The following LUZP2 variants were observed in gnomAD, a reference collection of about 807,000 sequenced individuals.
The protein encoded by LUZP2 is leucine zipper protein 2.
LUZP2 carries 52 observed loss-of-function variants against 51.6 expected under a neutral mutation model. The observed-to-expected ratio is 1.01, with a 90% CI of 0.81 to 1.27. LUZP2 has a LOEUF of 1.27. LUZP2 is among the 50% of genes most tolerant of loss of function. LUZP2 has a pLI of 0.00. For synonymous variants in LUZP2, 154 were observed against 137.3 expected, an observed-to-expected ratio of 1.12 and a Z score of -0.85; for missense variants, 436 against 395.4, an observed-to-expected ratio of 1.10 and a Z score of -0.87.
intron 5 of LUZP2, among the ~76,000 whole-genome samples, chr11:24,896,307 C>T (rs1428113623): frequency 1.3e-5 from 2 of 152,018 alleles, no homozygotes; most frequent in South Asian, 2.1e-4. Flanking sequence ...CCGCCAGAAC[C>T]GGGGCTGTGC....
chr11:24,688,801 G>A (rs190733833), intron 1 of LUZP2, among the ~76,000 whole-genome samples: 18 of 152,158 alleles, frequency 1.2e-4, no homozygotes, highest in Non-Finnish European at 2.2e-4. Context: ...CATCTCTCAC[G>A]TGTCATCATA....
At chr11:24,871,730 G>GT (rs564002995) in intron 5 of LUZP2, among the ~76,000 whole-genome samples, 239 of 151,120 alleles carry the variant, frequency 1.6e-3, no homozygotes, top group African/African-American at 5.6e-3. Context: ...ATAAACTACA[G>GT]TAAAAAAAAA....
At chr11:24,705,066 CTT>C (rs1484839621) in intron 1 of LUZP2, among the ~76,000 whole-genome samples, 1 of 152,042 alleles carries the variant, frequency 6.6e-6, no homozygotes, top group Non-Finnish European at 1.5e-5. Context: ...ATCCAAGACT[CTT>C]TTGGGGTATT....
At position 25,032,589 on chromosome 11, in the gene LUZP2, A is replaced by G. The variant is rs375184569; in HGVS notation, c.766-17449A>G. Among the ~76,000 whole-genome samples the G allele has an allele frequency of 7.0e-4, 107 of 152,204 alleles. 1 individual carries two copies. Among genetic ancestry groups the G allele is most frequent in the Middle Eastern group, 3.4e-3 (1 of 294 alleles). ...ATTTTATTTTCATGCCCTTAGAATC[A>G]TGGAGAAGCTCTCATACCTGCCTTA... On this transcript the variant is annotated intron_variant, in intron 9 of 11. Transcript: ENST00000336930.
At chr11:24,917,984 A>G (rs1853854266) in intron 7 of LUZP2, among the ~76,000 whole-genome samples, 1 of 151,990 alleles carries the variant, frequency 6.6e-6, no homozygotes, top group Non-Finnish European at 1.5e-5. Context: ...ATGTTCTTCC[A>G]TTTGTTTGTG....
At chr11:24,975,314 C>T (rs1187998965) in intron 7 of LUZP2, among the ~76,000 whole-genome samples, 2 of 152,004 alleles carry the variant, frequency 1.3e-5, no homozygotes, top group Non-Finnish European at 2.9e-5. Flanking sequence ...AAAATGGCAG[C>T]TTTCCTATAG....
At chr11:24,844,801 C>G (rs980735437) in intron 5 of LUZP2, among the ~76,000 whole-genome samples, 2 of 152,152 alleles carry the variant, frequency 1.3e-5, no homozygotes, top group Admixed American at 1.3e-4. Flanking sequence ...GGGTACAAGC[C>G]CCAAGTCTTG....
intron 6 of LUZP2, among the ~76,000 whole-genome samples, chr11:24,913,072 G>A (rs1853688053): frequency 6.6e-6 from 1 of 152,098 alleles, no homozygotes; most frequent in Non-Finnish European, 1.5e-5. Flanking sequence ...ATTTTATTGA[G>A]ATTTATCTAG....
At chr11:24,932,004 A>C (rs1854470325) in intron 7 of LUZP2, among the ~76,000 whole-genome samples, 1 of 152,216 alleles carries the variant, frequency 6.6e-6, no homozygotes, top group South Asian at 2.1e-4. Flanking sequence ...CTGAGAGCTG[A>C]ACTGCAGTGA....
chr11:25,041,457 G>T (rs1590866972), intron 9 of LUZP2, among the ~76,000 whole-genome samples: 1 of 151,968 alleles, frequency 6.6e-6, no homozygotes, highest in East Asian at 1.9e-4. Context: ...TATATAAGGG[G>T]TATTACTGTA....
chr11:24,517,075 T>A (rs1369888113), intron 1 of LUZP2, among the ~76,000 whole-genome samples: 1 of 152,168 alleles, frequency 6.6e-6, no homozygotes, highest in Non-Finnish European at 1.5e-5. Context: ...CTTTATCATA[T>A]TTTTTGTGTT....
intron 5 of LUZP2, among the ~76,000 whole-genome samples, chr11:24,872,358 C>T (rs1852106745): frequency 6.6e-6 from 1 of 152,138 alleles, no homozygotes; most frequent in African/African-American, 2.4e-5. Context: ...GGAATGATTT[C>T]ACGCTGTATT....
intron 1 of LUZP2, among the ~76,000 whole-genome samples, chr11:24,498,458 G>A (rs1282055499): frequency 2.0e-5 from 3 of 152,090 alleles, no homozygotes; most frequent in Non-Finnish European, 4.4e-5. Flanking sequence ...TTTCCTTTTA[G>A]TGTAGAGACT....
chr11:24,633,956 G>GTATATATATATATA (rs1448184219), intron 1 of LUZP2, among the ~76,000 whole-genome samples: 2 of 114,608 alleles, frequency 1.7e-5, no homozygotes, highest in African/African-American at 3.5e-5. Flanking sequence ...GTGTGTGTGT[G>GTATATATATATATA]TGTGTGTGTA....
At chr11:24,670,233 G>A (rs1856358856) in intron 1 of LUZP2, among the ~76,000 whole-genome samples, 1 of 151,960 alleles carries the variant, frequency 6.6e-6, no homozygotes, top group African/African-American at 2.4e-5. Context: ...TGACAGCTCT[G>A]TGACCACAGA....
chr11:24,984,653 C>T (rs542377211), intron 9 of LUZP2, among the ~76,000 whole-genome samples: 1 of 149,778 alleles, frequency 6.7e-6, no homozygotes, highest in Admixed American at 6.7e-5. Flanking sequence ...GTACCCCCAC[C>T]ATTTAAATTT....
At chr11:25,049,272 C>T (rs555957233) in intron 9 of LUZP2, among the ~76,000 whole-genome samples, 1 of 152,006 alleles carries the variant, frequency 6.6e-6, no homozygotes. Context: ...TTTTGTGTGC[C>T]CTAAAACAGT....
intron 9 of LUZP2, among the ~76,000 whole-genome samples, chr11:25,004,544 C>T (rs1021575743): frequency 2.0e-5 from 3 of 152,126 alleles, no homozygotes; most frequent in African/African-American, 7.2e-5. Context: ...ATATCCGCAG[C>T]TGATTGAGTA....
intron 9 of LUZP2, among the ~76,000 whole-genome samples, chr11:25,012,979 A>C (rs1030172932): frequency 6.6e-6 from 1 of 152,194 alleles, no homozygotes; most frequent in African/African-American, 2.4e-5. Context: ...CTAAGTGTCC[A>C]TCAATGGATG....
Sources: gnomAD v4.1 joint callset for allele counts (sites outside exome capture counted in the v4.1 genomes callset) on GRCh38, gnomAD v4.1.1 for gene constraint, MANE v1.5 for transcripts, NCBI Gene and HGNC (gene_info 2026-07-23, HGNC 2026-07-21) for gene names.